Variants in B3GALT1 observed in about 807,000 individuals in gnomAD.
The protein encoded by B3GALT1 is beta-1,3-galactosyltransferase 1, also known as UDP-Gal:betaGlcNAc beta 1,3-galactosyltransferase, polypeptide 1.
A neutral mutation model predicts 23.2 loss-of-function variants in B3GALT1; 10 were observed. That is an observed-to-expected ratio of 0.43 (90% CI 0.27 to 0.73). The LOEUF is 0.73. Ranked by LOEUF, B3GALT1 falls within the 30% of genes least tolerant of loss-of-function variation. B3GALT1 has a pLI of 0.21. For synonymous variants in B3GALT1, 156 were observed against 141.5 expected, an observed-to-expected ratio of 1.10 and a Z score of -0.73; for missense variants, 299 against 405.4, an observed-to-expected ratio of 0.74 and a Z score of 2.25.
intron 3 of B3GALT1, among the ~76,000 whole-genome samples, chr2:167,785,493 A>G (rs1324191711): frequency 4.6e-5 from 7 of 152,206 alleles, no homozygotes; most frequent in Non-Finnish European, 2.9e-5. Flanking sequence ...AAGGATCCAC[A>G]TACCGTTCTA....
intron 3 of B3GALT1, among the ~76,000 whole-genome samples, chr2:167,739,964 T>C (rs1263397224): frequency 6.8e-6 from 1 of 147,956 alleles, no homozygotes; most frequent in East Asian, 2.0e-4. Flanking sequence ...CTAGGCGTGG[T>C]GGTGCATGCC....
At chr2:167,442,735 T>C (rs974003799) in intron 1 of B3GALT1, among the ~76,000 whole-genome samples, 9 of 148,150 alleles carry the variant, frequency 6.1e-5, no homozygotes, top group Non-Finnish European at 1.3e-4. Context: ...TGTTTTTTTC[T>C]TGTAAATTTG....
intron 2 of B3GALT1, among the ~76,000 whole-genome samples, chr2:167,531,466 AC>A: frequency 6.6e-6 from 1 of 152,288 alleles, no homozygotes; most frequent in Admixed American, 6.5e-5. Context: ...GAGTAGGACT[AC>A]CCTTTGGACA....
At chr2:167,807,282 A>T (rs567080248) in intron 3 of B3GALT1, among the ~76,000 whole-genome samples, 5,314 of 151,934 alleles carry the variant, frequency 0.035, 148 homozygotes, top group South Asian at 0.069. Flanking sequence ...GATTCATCGA[A>T]TTTTTGAAGG....
intron 2 of B3GALT1, among the ~76,000 whole-genome samples, chr2:167,609,584 A>C (rs549733656): frequency 4.6e-4 from 70 of 152,204 alleles, no homozygotes; most frequent in Non-Finnish European, 8.2e-4. Context: ...TACATTGTTC[A>C]AGTCAGTAGG....
At chr2:167,774,788 G>A (rs1688133804) in intron 3 of B3GALT1, among the ~76,000 whole-genome samples, 1 of 151,922 alleles carries the variant, frequency 6.6e-6, no homozygotes, top group African/African-American at 2.4e-5. Flanking sequence ...GAGCCACCAC[G>A]CCCGGCCTCT....
At chr2:167,860,882 A>C (rs1230728877) in intron 4 of B3GALT1, among the ~76,000 whole-genome samples, 1 of 146,764 alleles carries the variant, frequency 6.8e-6, no homozygotes, top group East Asian at 2.0e-4. Flanking sequence ...TTTTTTTTTC[A>C]TCTAAAAATA....
At chr2:167,625,568 C>A (rs1463381902) in intron 2 of B3GALT1, among the ~76,000 whole-genome samples, 2 of 151,808 alleles carry the variant, frequency 1.3e-5, no homozygotes, top group African/African-American at 4.8e-5. Flanking sequence ...AACCCACACC[C>A]TGATATTTAT....
chr2:167,307,587 C>G, intron 1 of B3GALT1, among the ~76,000 whole-genome samples: 1 of 151,980 alleles, frequency 6.6e-6, no homozygotes, highest in East Asian at 1.9e-4. Flanking sequence ...AGGTGGTTAT[C>G]AAAAGGACTT....
intron 4 of B3GALT1, among the ~76,000 whole-genome samples, chr2:167,829,352 G>A (rs898376214): frequency 3.6e-4 from 54 of 151,910 alleles, no homozygotes; most frequent in African/African-American, 1.2e-3. Context: ...GCCTGGTGGC[G>A]GGTGCCTGTA....
At chr2:167,730,169 G>A (rs907551552) in intron 3 of B3GALT1, among the ~76,000 whole-genome samples, 2 of 152,152 alleles carry the variant, frequency 1.3e-5, no homozygotes, top group Non-Finnish European at 2.9e-5. Context: ...ATCCGCCGGG[G>A]CGCTCATCCA....
intron 2 of B3GALT1, among the ~76,000 whole-genome samples, chr2:167,568,042 G>A (rs961432969): frequency 8.6e-5 from 13 of 151,930 alleles, no homozygotes; most frequent in South Asian, 6.2e-4. Context: ...AGTTTCCTCC[G>A]TGTCTTTTCA....
At chr2:167,528,442 T>C (rs1683259509) in intron 2 of B3GALT1, among the ~76,000 whole-genome samples, 1 of 152,190 alleles carries the variant, frequency 6.6e-6, no homozygotes, top group Admixed American at 6.5e-5. Flanking sequence ...GTCATATTGC[T>C]CTGTTTATTT....
chr2:167,866,105 A>C (rs900164578), intron 4 of B3GALT1, among the ~76,000 whole-genome samples: 8 of 152,132 alleles, frequency 5.3e-5, no homozygotes, highest in Admixed American at 2.0e-4. Context: ...TCATCCAGAT[A>C]ACTTCTAGCC....
intron 1 of B3GALT1, among the ~76,000 whole-genome samples, chr2:167,339,351 CAA>C (rs770324745): frequency 1.3e-5 from 2 of 149,574 alleles, no homozygotes; most frequent in South Asian, 2.1e-4. Flanking sequence ...CATAATACAA[CAA>C]GAGCAAATAG....
chr2:167,565,043 T>A (rs199671056), intron 2 of B3GALT1, among the ~76,000 whole-genome samples: 1 of 152,154 alleles, frequency 6.6e-6, no homozygotes, highest in African/African-American at 2.4e-5. Flanking sequence ...GAGCCCGCAT[T>A]GCCAAGTCAA....
intron 2 of B3GALT1, among the ~76,000 whole-genome samples, chr2:167,590,576 AG>A (rs1010330626): frequency 1.1e-4 from 16 of 152,284 alleles, no homozygotes; most frequent in African/African-American, 3.8e-4. Context: ...AATATGTAAA[AG>A]CTTTCAAGAG....
rs890231814 is a variant in B3GALT1, at chr2:167,871,748, G to A, written c.*1728G>A. ...TCTAAGAAATTTGAGCGCAGGTAAA[G>A]CTAGTTCACCTCTTTCAGAAGCAGC... On this transcript the variant is annotated 3_prime_UTR_variant, in exon 5 of 5. Transcript: ENST00000392690. 2 of 152,128 alleles carry A rather than the reference G, an allele frequency of 1.3e-5. No homozygotes were observed. The highest frequency in any genetic ancestry group is 2.9e-5 in the Non-Finnish European group (2 of 68,044). The allele number at this position is 152,128 out of a possible 1,614,324, so 9.4% of individuals were successfully genotyped here. A position where few individuals can be genotyped will look rare whatever the true frequency, so the allele number is the denominator to read the frequency against.
intron 3 of B3GALT1, among the ~76,000 whole-genome samples, chr2:167,741,191 C>CA (rs1284065977): frequency 2.0e-5 from 3 of 150,814 alleles, no homozygotes; most frequent in South Asian, 2.1e-4. Context: ...GATGGTGAGG[C>CA]AAAAAAAAGT....
Sources: allele counts gnomAD v4.1 joint callset (sites outside exome capture counted in the v4.1 genomes callset), GRCh38; gene constraint gnomAD v4.1.1; transcripts MANE v1.5; gene names NCBI Gene and HGNC (gene_info 2026-07-23, HGNC 2026-07-21).